MAP3K5: variants seen among roughly 807,000 people sequenced by gnomAD.
MAP3K5 encodes ASK-1.
A neutral mutation model predicts 158.7 loss-of-function variants in MAP3K5; 56 were observed. The ratio of observed to expected loss-of-function variants is 0.35; its 90% CI spans 0.28 to 0.44. MAP3K5 has a LOEUF of 0.44. Among genes scored for constraint, MAP3K5 ranks in the 20% least tolerant of loss-of-function variants. The pLI, the probability that MAP3K5 is intolerant of heterozygous loss-of-function variation, is 1.00. For missense variants in MAP3K5, 1,294 were observed against 1,674.8 expected, an observed-to-expected ratio of 0.77 and a Z score of 3.97; for synonymous variants, 579 against 601.7, an observed-to-expected ratio of 0.96 and a Z score of 0.55.
rs74836973 is a variant in MAP3K5, at chr6:136,655,296, T to C, written c.1680+1011A>G. On this transcript the variant is annotated intron_variant, in intron 10 of 29. Coordinates refer to ENST00000359015, the MANE Select transcript of MAP3K5 (RefSeq NM_005923.4). ...CAGCTACAGGCAAGCTGCCAGCTCA[T>C]TCTAAGGTAAGTATTTTCCTAGGCT... Among the ~76,000 whole-genome samples the C allele has an allele frequency of 6.2e-3, 947 of 152,346 alleles. 9 individuals are homozygous for C. The highest frequency in any genetic ancestry group is 0.022 in the African/African-American group (910 of 41,584).
intron 10 of MAP3K5, among the ~76,000 whole-genome samples, chr6:136,655,130 ACTAAT>A (rs1189109497): frequency 6.6e-5 from 10 of 152,226 alleles, no homozygotes; most frequent in African/African-American, 1.9e-4. Context: ...TTCATATGAT[ACTAAT>A]CTAAACGGGC....
chr6:136,774,539 C>A (rs1418929242), intron 1 of MAP3K5, among the ~76,000 whole-genome samples: 1 of 152,162 alleles, frequency 6.6e-6, no homozygotes, highest in African/African-American at 2.4e-5. Flanking sequence ...AGACTGTGAG[C>A]CGCTCCAGGA....
intron 11 of MAP3K5, among the ~76,000 whole-genome samples, chr6:136,650,087 C>T (rs1039340181): frequency 6.6e-6 from 1 of 152,186 alleles, no homozygotes; most frequent in Non-Finnish European, 1.5e-5. Flanking sequence ...AAAGCAAGCA[C>T]CATGGAGGCA....
chr6:136,678,706 T>C (rs1379132030), intron 7 of MAP3K5, among the ~76,000 whole-genome samples: 1 of 152,098 alleles, frequency 6.6e-6, no homozygotes, highest in Non-Finnish European at 1.5e-5. Context: ...GCACTAAATA[T>C]TTGTTGAAAG....
rs76304824 is a variant in MAP3K5, at chr6:136,648,547, T to G, written c.1788+2437A>C. ...TCCATGCTTATTATGTAATTTCATG[T>G]TGCCAACATTTAGTGTGCCTGCTAA... is the stretch of plus-strand genomic sequence containing the variant. On this transcript the variant is annotated intron_variant, in intron 11 of 29. Transcript: ENST00000359015. Among the ~76,000 whole-genome samples the G allele has an allele frequency of 1.6e-4, 24 of 152,368 alleles. No individual in the cohort carries two copies. The East Asian group carries it at 4.6e-3, about 29-fold the overall frequency.
chr6:136,560,391 A>T (rs2129067673), intron 28 of MAP3K5, among the ~76,000 whole-genome samples: 1 of 152,302 alleles, frequency 6.6e-6, no homozygotes, highest in Middle Eastern at 3.4e-3. Flanking sequence ...GAGGCAGGGA[A>T]TCTCTCGAGC....
chr6:136,598,000 T>C (rs1466621391), intron 21 of MAP3K5, among the ~76,000 whole-genome samples: 1 of 152,244 alleles, frequency 6.6e-6, no homozygotes, highest in African/African-American at 2.4e-5. Context: ...TACTGTAGAA[T>C]CATAGGTCCA....
chr6:136,754,228 G>A (rs1004266014), intron 1 of MAP3K5, among the ~76,000 whole-genome samples: 9 of 151,160 alleles, frequency 6.0e-5, no homozygotes, highest in African/African-American at 1.5e-4. Flanking sequence ...AGCCAAGATT[G>A]TGCCACTGCT....
At chr6:136,753,402 G>T (rs1783312489) in intron 1 of MAP3K5, among the ~76,000 whole-genome samples, 1 of 152,070 alleles carries the variant, frequency 6.6e-6, no homozygotes, top group Non-Finnish European at 1.5e-5. Flanking sequence ...ATGCAGAATG[G>T]TAAGGATGGG....
rs539230554 is a variant in MAP3K5, at chr6:136,697,855, T to C, written c.807-468A>G. On this transcript the variant is annotated intron_variant, in intron 4 of 29. Transcript: ENST00000359015. ...CATCTCCTGGGTTCAAGCAATTCTCTTGCCTCAGCCTTGTGAGTAGCTGGG... is the reference window on the plus strand; with the variant it reads ...CATCTCCTGGGTTCAAGCAATTCTCCTGCCTCAGCCTTGTGAGTAGCTGGG... Among the ~76,000 whole-genome samples the C allele has an allele frequency of 2.6e-5, 4 of 152,152 alleles. No individual in the cohort carries two copies. In the East Asian group the frequency reaches 7.8e-4, roughly 30 times the overall value.
At chr6:136,720,130 A>C (rs1781689207) in intron 2 of MAP3K5, among the ~76,000 whole-genome samples, 1 of 152,172 alleles carries the variant, frequency 6.6e-6, no homozygotes, top group South Asian at 2.1e-4. Flanking sequence ...CCCAAAAGTG[A>C]CAAAGCATGG....
chr6:136,577,713 T>A (rs1007108236), intron 25 of MAP3K5, among the ~76,000 whole-genome samples: 8 of 152,204 alleles, frequency 5.3e-5, no homozygotes, highest in Admixed American at 1.3e-4. Context: ...AATTTTAGAT[T>A]CATGGAAACA....
At chr6:136,621,074 A>C (rs1437562618) in intron 15 of MAP3K5, among the ~76,000 whole-genome samples, 2 of 152,142 alleles carry the variant, frequency 1.3e-5, no homozygotes, top group East Asian at 3.9e-4. Flanking sequence ...TGTATATATT[A>C]TACATTTTGT....
At chr6:136,700,907 TCCTAG>T (rs893291615) in intron 3 of MAP3K5, among the ~76,000 whole-genome samples, 10 of 152,308 alleles carry the variant, frequency 6.6e-5, no homozygotes, top group African/African-American at 2.4e-4. Flanking sequence ...GGTTATCCAT[TCCTAG>T]CCATATGAGC....
chr6:136,669,441 A>T, intron 7 of MAP3K5, 46 bp from the exon 8 acceptor site: 2 of 1,112,974 alleles, frequency 1.8e-6, no homozygotes, highest in Non-Finnish European at 2.7e-6. Flanking sequence ...CAATCATGAA[A>T]CCCTGGGTGT....
chr6:136,744,452 T>C (rs991518548), intron 1 of MAP3K5, among the ~76,000 whole-genome samples: 3 of 151,592 alleles, frequency 2.0e-5, no homozygotes, highest in Non-Finnish European at 4.4e-5. Flanking sequence ...GGTGTCAGGG[T>C]TATAAGGAAG....
At chr6:136,610,084 C>T (rs942710303) in intron 18 of MAP3K5, among the ~76,000 whole-genome samples, 3 of 152,082 alleles carry the variant, frequency 2.0e-5, no homozygotes, top group African/African-American at 7.2e-5. Flanking sequence ...GGCCATGTTG[C>T]TTCATATTAG....
At chr6:136,649,095 G>C (rs556123043) in intron 11 of MAP3K5, among the ~76,000 whole-genome samples, 2 of 152,300 alleles carry the variant, frequency 1.3e-5, no homozygotes, top group Non-Finnish European at 2.9e-5. Context: ...TCAGCCTCCT[G>C]AGTAGTGGGG....
At chr6:136,696,852 T>C (rs1024435286) in intron 5 of MAP3K5, among the ~76,000 whole-genome samples, 1 of 152,262 alleles carries the variant, frequency 6.6e-6, no homozygotes, top group African/African-American at 2.4e-5. Context: ...ATAAAAGGTA[T>C]GTCCAGAAAG....
Sources: gnomAD v4.1 joint callset for allele counts (sites outside exome capture counted in the v4.1 genomes callset) on GRCh38, gnomAD v4.1.1 for gene constraint, MANE v1.5 for transcripts, NCBI Gene and HGNC (gene_info 2026-07-23, HGNC 2026-07-21) for gene names.